The following SMARCC1 variants were observed in gnomAD, a reference collection of about 807,000 sequenced individuals.
SMARCC1 encodes SWI/SNF related BAF chromatin remodeling complex subunit C1.
SMARCC1 carries 43 observed loss-of-function variants against 147.4 expected under a neutral mutation model. The observed-to-expected ratio is 0.29, with a 90% CI of 0.23 to 0.38. SMARCC1 has a LOEUF of 0.38. SMARCC1 is among the 10% of genes least tolerant of loss of function. The probability of loss-of-function intolerance (pLI) is 1.00; values close to 1 mark genes in which losing one functional copy is unlikely to be tolerated. For missense variants in SMARCC1, 1,119 were observed against 1,381.1 expected, an observed-to-expected ratio of 0.81 and a Z score of 3.01; for synonymous variants, 495 against 484.4, an observed-to-expected ratio of 1.02 and a Z score of -0.29.
chr3:47,706,272 A>G, intron 10 of SMARCC1, 137 bp downstream of exon 10: 1 of 710,958 alleles, frequency 1.4e-6, no homozygotes, highest in Non-Finnish European at 2.0e-6. Flanking sequence ...AGGTTTCACC[A>G]TGTTGGCCAG....
intron 14 of SMARCC1, among the ~76,000 whole-genome samples, chr3:47,685,106 A>G (rs1281821475): frequency 6.6e-6 from 1 of 152,192 alleles, no homozygotes; most frequent in Admixed American, 6.6e-5. Context: ...AACTATCACC[A>G]TCACTACTTC....
chr3:47,697,919 A>G (rs928715171), intron 11 of SMARCC1, among the ~76,000 whole-genome samples: 11 of 147,004 alleles, frequency 7.5e-5, no homozygotes, highest in Non-Finnish European at 8.9e-5. Flanking sequence ...GAGGCAGGAG[A>G]ACGGTGTGAA....
At chr3:47,781,510 G>T (rs918158647) in intron 1 of SMARCC1, 93 bp downstream of exon 1, 14 of 836,840 alleles carry the variant, frequency 1.7e-5, no homozygotes, top group Middle Eastern at 3.5e-4. Flanking sequence ...CGTGGCGTGC[G>T]GGGGGGAGGG....
chr3:47,651,538 A>G (rs2033191182), intron 21 of SMARCC1, among the ~76,000 whole-genome samples: 1 of 152,058 alleles, frequency 6.6e-6, no homozygotes, highest in Non-Finnish European at 1.5e-5. Flanking sequence ...TTCTGCCAAT[A>G]CTGGGAACAC....
chr3:47,689,454 A>T, intron 12 of SMARCC1, 30 bp from the exon 13 acceptor site: 1 of 1,586,786 alleles, frequency 6.3e-7, no homozygotes, highest in Non-Finnish European at 8.7e-7. Context: ...AATTCATTTT[A>T]AAAACAGGTA....
At chr3:47,712,793 T>C (rs2106800492) in intron 8 of SMARCC1, among the ~76,000 whole-genome samples, 1 of 152,300 alleles carries the variant, frequency 6.6e-6, no homozygotes, top group East Asian at 1.9e-4. Flanking sequence ...CAAAAGTCCA[T>C]GTGTCCTTGG....
intron 6 of SMARCC1, among the ~76,000 whole-genome samples, chr3:47,726,776 T>C (rs950199107): frequency 2.0e-5 from 3 of 152,230 alleles, no homozygotes; most frequent in African/African-American, 7.2e-5. Context: ...AAATTCTTAG[T>C]CTCTGATAAC....
chr3:47,697,255 T>C (rs531971902), intron 11 of SMARCC1, among the ~76,000 whole-genome samples: 1 of 150,804 alleles, frequency 6.6e-6, no homozygotes, highest in African/African-American at 2.4e-5. Flanking sequence ...CAGCAAGACG[T>C]GACTGCCAAT....
intron 10 of SMARCC1, 157 bp from the exon 11 acceptor site, chr3:47,701,559 A>G (rs896520915): frequency 4.5e-6 from 3 of 669,708 alleles, no homozygotes; most frequent in Non-Finnish European, 7.6e-6. Context: ...TCATGCCTGT[A>G]ATCAGAGCAC....
rs912356132 is a variant in SMARCC1, at chr3:47,781,848, T to C, written c.-51A>G. On this transcript the variant is annotated 5_prime_UTR_variant, in exon 1 of 28. Coordinates refer to ENST00000254480, the MANE Select transcript of SMARCC1 (RefSeq NM_003074.4). Reference sequence around the variant, plus strand: ...CTGGCCCACCCCGGCCCTCGCGGTGTTTCCCGGTCGTTCCCGCGCGCACCC... The same window carrying C: ...CTGGCCCACCCCGGCCCTCGCGGTGCTTCCCGGTCGTTCCCGCGCGCACCC... 4 of 1,232,098 alleles carry C rather than the reference T, an allele frequency of 3.2e-6. No homozygotes were observed. The highest frequency in any genetic ancestry group is 4.1e-6 in the Non-Finnish European group (4 of 971,688). 76.3% of individuals were successfully genotyped at this position (1,232,098 alleles called of 1,614,324 possible).
chr3:47,759,611 TC>T (rs71625829), intron 2 of SMARCC1, among the ~76,000 whole-genome samples: 75,731 of 122,264 alleles, frequency 0.62, 23,848 homozygotes, highest in East Asian at 0.73. Flanking sequence ...AGAGCTAGAC[TC>T]CGTCTCAAAA....
intron 10 of SMARCC1, 93 bp downstream of exon 10, chr3:47,706,316 C>T: frequency 1.6e-6 from 2 of 1,223,710 alleles, no homozygotes; most frequent in Non-Finnish European, 2.2e-6. Context: ...AGTTGATCTG[C>T]CCACCTCAGC....
intron 25 of SMARCC1, among the ~76,000 whole-genome samples, chr3:47,614,016 A>G: frequency 6.6e-6 from 1 of 152,172 alleles, no homozygotes; most frequent in East Asian, 1.9e-4. Context: ...TGAGGGCCAC[A>G]AAAATCTATC....
At chr3:47,721,181 C>G (rs1164612767) in intron 6 of SMARCC1, among the ~76,000 whole-genome samples, 1 of 152,162 alleles carries the variant, frequency 6.6e-6, no homozygotes, top group Non-Finnish European at 1.5e-5. Context: ...GAAAGTTTTA[C>G]TAACTACTCT....
intron 21 of SMARCC1, among the ~76,000 whole-genome samples, chr3:47,655,994 C>A (rs548539414): frequency 6.6e-6 from 1 of 152,060 alleles, no homozygotes; most frequent in South Asian, 2.1e-4. Flanking sequence ...GGGCGGATCA[C>A]AAGGTCAGGA....
At chr3:47,676,600 G>A in intron 17 of SMARCC1, 29 bp downstream of exon 17, 1 of 1,593,356 alleles carries the variant, frequency 6.3e-7, no homozygotes, top group Non-Finnish European at 8.6e-7. Flanking sequence ...TTACTATCCA[G>A]GTCTGATGAA....
At position 47,698,204 on chromosome 3, in the gene SMARCC1, A is replaced by C. The variant is rs148441131; in HGVS notation, c.1165+3074T>G. On this transcript the variant is annotated intron_variant, in intron 11 of 27. Transcript: ENST00000254480. ...AAAATCTTACAATTAAATAATATTAACTGATTAAAAGGAGAAATATCATTA... is the reference window on the plus strand; with the variant it reads ...AAAATCTTACAATTAAATAATATTACCTGATTAAAAGGAGAAATATCATTA... Among the ~76,000 whole-genome samples the C allele has an allele frequency of 2.2e-4, 33 of 151,986 alleles. 2 individuals carry two copies. The East Asian group carries it at 5.6e-3, about 26-fold the overall frequency.
intron 26 of SMARCC1, among the ~76,000 whole-genome samples, chr3:47,608,784 G>A (rs538459061): frequency 6.7e-6 from 1 of 149,640 alleles, no homozygotes; most frequent in South Asian, 2.1e-4. Context: ...GGGAGGTTGA[G>A]GCTGCAGTGA....
intron 19 of SMARCC1, among the ~76,000 whole-genome samples, chr3:47,666,814 T>A (rs1030542547): frequency 2.0e-5 from 3 of 152,210 alleles, no homozygotes; most frequent in African/African-American, 7.2e-5. Flanking sequence ...AGCCAAAGAT[T>A]GGACATCTCT....
Sources: allele counts gnomAD v4.1 joint callset (sites outside exome capture counted in the v4.1 genomes callset), GRCh38; gene constraint gnomAD v4.1.1; transcripts MANE v1.5; gene names NCBI Gene and HGNC (gene_info 2026-07-23, HGNC 2026-07-21).